Variants in KIAA0513 observed in about 807,000 individuals in gnomAD.
KIAA0513 encodes uncharacterized protein KIAA0513.
Under a neutral mutation model 56.5 loss-of-function variants are expected in KIAA0513, and 39 were observed. The ratio of observed to expected loss-of-function variants is 0.69; its 90% confidence interval spans 0.53 to 0.90. KIAA0513 has a LOEUF of 0.90. Among genes scored for constraint, KIAA0513 ranks in the 40% least tolerant of loss-of-function variants. The pLI is 0.00. For missense variants in KIAA0513, 591 were observed against 535.2 expected (o/e 1.10, Z -1.03); for synonymous variants, 268 against 215.6 (o/e 1.24, Z -2.13).
intron 2 of KIAA0513, among the ~76,000 whole-genome samples, chr16:85,070,293 G>A (rs905505646): frequency 8.5e-5 from 13 of 152,178 alleles, no homozygotes; most frequent in African/African-American, 3.1e-4. Context: ...TTATTCATGG[G>A]TGCTTTTCAT....
rs111481490 is a variant in KIAA0513, at chr16:85,082,363, A to G, written c.981-201A>G. ...GAGACCAGAACAGGGACATGCTCAG[A>G]TGCCCCTAGGCAGAGGGGCGTTGCC... On this transcript the variant is annotated intron_variant, in intron 9 of 12. Transcript: ENST00000683363. Among the ~76,000 whole-genome samples, 1,453 of 152,198 alleles carry G rather than the reference A, an allele frequency of 9.5e-3. 23 individuals are homozygous for G. Among genetic ancestry groups the G allele is most frequent in the African/African-American group, 0.033 (1,372 of 41,536 alleles).
At chr16:85,062,356 G>A (rs1249084447) in intron 1 of KIAA0513, among the ~76,000 whole-genome samples, 1 of 152,170 alleles carries the variant, frequency 6.6e-6, no homozygotes. Context: ...AAGGGCTTTG[G>A]AAGGTACAGG....
chr16:85,054,874 G>A (rs548665294), intron 1 of KIAA0513, among the ~76,000 whole-genome samples: 191 of 152,062 alleles, frequency 1.3e-3, no homozygotes, highest in African/African-American at 4.4e-3. Flanking sequence ...GGACGTATTC[G>A]CTTTGTGAGG....
At chr16:85,046,705 A>G (rs895281464) in intron 1 of KIAA0513, among the ~76,000 whole-genome samples, 5 of 152,128 alleles carry the variant, frequency 3.3e-5, no homozygotes, top group Non-Finnish European at 7.4e-5. Context: ...TTCCTTTGTC[A>G]TCTTCATTCT....
intron 1 of KIAA0513, among the ~76,000 whole-genome samples, chr16:85,052,991 G>A (rs1261832391): frequency 2.6e-5 from 4 of 152,044 alleles, no homozygotes; most frequent in Non-Finnish European, 5.9e-5. Context: ...AGGTTCAAGC[G>A]ATTCTCTTGC....
intron 1 of KIAA0513, among the ~76,000 whole-genome samples, chr16:85,031,865 A>C (rs1037066562): frequency 6.6e-6 from 1 of 152,220 alleles, no homozygotes; most frequent in East Asian, 1.9e-4. Context: ...CAATATCAGA[A>C]ATGACCTTGT....
chr16:85,048,316 C>T (rs1000400245), intron 1 of KIAA0513, among the ~76,000 whole-genome samples: 10 of 152,146 alleles, frequency 6.6e-5, no homozygotes, highest in African/African-American at 2.4e-4. Context: ...ATCCTTTCCA[C>T]GGGGAGTGTC....
At chr16:85,083,445 T>C (rs1379302185) in intron 10 of KIAA0513, among the ~76,000 whole-genome samples, 1 of 152,162 alleles carries the variant, frequency 6.6e-6, no homozygotes, top group Non-Finnish European at 1.5e-5. Context: ...AAAGGAGGAC[T>C]TAGGCCTAAC....
At chr16:85,045,780 C>T (rs947452174) in intron 1 of KIAA0513, among the ~76,000 whole-genome samples, 3 of 152,210 alleles carry the variant, frequency 2.0e-5, no homozygotes, top group African/African-American at 7.2e-5. Flanking sequence ...GGCCTCTGCT[C>T]CAGCCTGTGC....
chr16:85,051,649 A>G (rs536594071), intron 1 of KIAA0513, among the ~76,000 whole-genome samples: 1 of 152,252 alleles, frequency 6.6e-6, no homozygotes, highest in South Asian at 2.1e-4. Context: ...TTACACATTT[A>G]AAGACCACCA....
intron 1 of KIAA0513, among the ~76,000 whole-genome samples, chr16:85,058,516 G>A (rs1057087120): frequency 6.6e-6 from 1 of 152,046 alleles, no homozygotes; most frequent in African/African-American, 2.4e-5. Flanking sequence ...GCCGGGTGGG[G>A]TGGCGCATGC....
rs567021818 is a variant in KIAA0513, at chr16:85,037,085, G to A, written c.-173+9227G>A. On this transcript the variant is annotated intron_variant, in intron 1 of 12. Transcript: ENST00000683363. ...TAGAAGAAGGAAAGGAGAGAGAAGG[G>A]GATTATTTTTTTCTCTTCATGACTA... Among the ~76,000 whole-genome samples, 4 of 152,136 alleles carry A rather than the reference G, an allele frequency of 2.6e-5. No homozygotes were observed. In the South Asian group the frequency reaches 8.3e-4, roughly 32 times the overall value.
At chr16:85,080,999 G>A (rs535593826) in intron 8 of KIAA0513, among the ~76,000 whole-genome samples, 28 of 152,212 alleles carry the variant, frequency 1.8e-4, no homozygotes, top group Non-Finnish European at 2.6e-4. Context: ...ACCCACCTCC[G>A]TGTCCTACAG....
intron 1 of KIAA0513, among the ~76,000 whole-genome samples, chr16:85,035,807 T>C (rs1038224602): frequency 6.6e-6 from 1 of 151,908 alleles, no homozygotes; most frequent in African/African-American, 2.4e-5. Context: ...TGAAACCCCG[T>C]CTCTACTAAA....
At position 85,088,363 on chromosome 16, in the gene KIAA0513, T is replaced by C. The variant is rs762972683; in HGVS notation, c.*38T>C. ...GCACTCCGCAGGAGGACTGAGGCCATGTGCCATTCTCCCGGGCCCAGCGCC... is the reference window on the plus strand; with the variant it reads ...GCACTCCGCAGGAGGACTGAGGCCACGTGCCATTCTCCCGGGCCCAGCGCC... On this transcript the variant is annotated 3_prime_UTR_variant, in exon 13 of 13. Coordinates refer to ENST00000683363, the MANE Select transcript of KIAA0513 (RefSeq NM_001388359.1). 1.3e-6 allele frequency: 2 copies of C among 1,586,642 alleles called. No individual in the cohort carries two copies. The highest frequency in any genetic ancestry group is 1.7e-5 in the Admixed American group (1 of 59,924).
chr16:85,036,289 C>T (rs1250495488), intron 1 of KIAA0513, among the ~76,000 whole-genome samples: 1 of 152,140 alleles, frequency 6.6e-6, no homozygotes, highest in African/African-American at 2.4e-5. Context: ...CAGAATGTTT[C>T]CATCACTCCA....
chr16:85,029,074 A>G (rs562844228), intron 1 of KIAA0513, among the ~76,000 whole-genome samples: 3 of 152,160 alleles, frequency 2.0e-5, no homozygotes, highest in South Asian at 2.1e-4. Flanking sequence ...TGGGAAGCGT[A>G]TGTTCTCCAT....
At chr16:85,049,389 C>G (rs779396321) in intron 1 of KIAA0513, among the ~76,000 whole-genome samples, 7 of 152,234 alleles carry the variant, frequency 4.6e-5, no homozygotes, top group African/African-American at 7.2e-5. Context: ...CCGTTCCACC[C>G]TCACCTACCT....
At chr16:85,074,343 TACAC>T (rs1555524105) in intron 4 of KIAA0513, among the ~76,000 whole-genome samples, 20 of 130,572 alleles carry the variant, frequency 1.5e-4, no homozygotes, top group Admixed American at 4.5e-4. Context: ...TATACACACA[TACAC>T]ACACACACAC....
Sources: gnomAD v4.1 joint callset for allele counts (sites outside exome capture counted in the v4.1 genomes callset) on GRCh38, gnomAD v4.1.1 for gene constraint, MANE v1.5 for transcripts, NCBI Gene and HGNC (gene_info 2026-07-23, HGNC 2026-07-21) for gene names.